Variants in FAM234B observed in about 807,000 individuals in gnomAD.
The protein encoded by FAM234B is protein FAM234B.
In FAM234B, 33 loss-of-function variants were observed where a neutral mutation model predicts 69.3. The ratio of observed to expected loss-of-function variants is 0.48; its 90% CI spans 0.36 to 0.64. FAM234B has a LOEUF of 0.64. Ranked by LOEUF, FAM234B falls within the 30% of genes least tolerant of loss-of-function variation. The pLI, the probability that FAM234B is intolerant of heterozygous loss-of-function variation, is 0.00. For missense variants in FAM234B, 697 were observed against 769.7 expected (o/e 0.91, Z 1.12); for synonymous variants, 306 against 306.9 (o/e 1.00, Z 0.03).
chr12:13,074,506 G>C (rs1462484928), intron 10 of FAM234B, among the ~76,000 whole-genome samples: 2 of 152,182 alleles, frequency 1.3e-5, no homozygotes, highest in Non-Finnish European at 2.9e-5. Context: ...AGGCAAATAA[G>C]ATTGGCAACG....
Position 13,081,901 on chromosome 12 carries a change from G to A in FAM234B, c.*1271G>A, listed in dbSNP as rs923777821. Reference sequence around the variant, plus strand: ...AACTGCTTCTTGAATAACCTTGATAGGTCATCCCTGAGTGCACCTCAGGTT... The same window carrying A: ...AACTGCTTCTTGAATAACCTTGATAAGTCATCCCTGAGTGCACCTCAGGTT... On this transcript the variant is annotated 3_prime_UTR_variant, in exon 13 of 13. Coordinates refer to ENST00000197268, the MANE Select transcript of FAM234B (RefSeq NM_020853.2). 1 of 148,996 alleles carries A rather than the reference G, an allele frequency of 6.7e-6. No homozygotes were observed. The highest frequency in any genetic ancestry group is 2.0e-4 in the East Asian group (1 of 4,998). 9.2% of individuals were successfully genotyped at this position (148,996 alleles called of 1,614,324 possible).
Position 13,044,946 on chromosome 12 carries a change from A to G in FAM234B, c.37+506A>G, listed in dbSNP as rs1033584032. Among the ~76,000 whole-genome samples the G allele has an allele frequency of 3.3e-5, 5 of 152,162 alleles. No individual in the cohort carries two copies. The highest frequency in any genetic ancestry group is 6.5e-5 in the Admixed American group (1 of 15,288). ...TTTACGTCCCTTCCTAGTTTACAGA[A>G]GAGAAAATGAGAGTTATTTGGCTAA... On this transcript the variant is annotated intron_variant, in intron 1 of 12. Transcript: ENST00000197268. The surrounding 1 kb of genome is among the most constrained non-coding windows in gnomAD (Gnocchi z 5.6).
chr12:13,063,187 T>G (rs1167708284), intron 5 of FAM234B, among the ~76,000 whole-genome samples: 1 of 152,302 alleles, frequency 6.6e-6, no homozygotes, highest in East Asian at 1.9e-4. Context: ...GACTGGGGTG[T>G]AGTGGAGCTT....
At chr12:13,073,000 C>G (rs1865123710) in intron 10 of FAM234B, among the ~76,000 whole-genome samples, 1 of 152,156 alleles carries the variant, frequency 6.6e-6, no homozygotes, top group Admixed American at 6.6e-5. Context: ...CATTGAAACT[C>G]ACAAAATTGC....
Position 13,078,321 on chromosome 12 carries a change from G to A in FAM234B, c.1643-1468G>A, listed in dbSNP as rs370576339. 4.6e-5 allele frequency among the ~76,000 whole-genome samples: 7 copies of A among 152,166 alleles called. No homozygotes were observed. The East Asian group carries it at 1.2e-3, about 25-fold the overall frequency. ...GTCTTTTGTTGCCATTGCTTTTGGT[G>A]TTTTAGACATGAAGTCCTTGCCCAT... On this transcript the variant is annotated intron_variant, in intron 11 of 12. Transcript: ENST00000197268.
intron 2 of FAM234B, 33 bp from the exon 3 acceptor site, chr12:13,058,418 C>G: frequency 6.3e-7 from 1 of 1,580,360 alleles, no homozygotes; most frequent in Non-Finnish European, 8.7e-7. Flanking sequence ...GTAACTTGCT[C>G]AGGACCTTTT....
rs758994987 is a variant in FAM234B, at chr12:13,067,337, G to A, written c.1142+41G>A. 2 of 1,610,010 alleles carry A rather than the reference G, an allele frequency of 1.2e-6. No homozygotes were observed. Among genetic ancestry groups the A allele is most frequent in the Admixed American group, 1.7e-5 (1 of 59,922 alleles). On this transcript the variant is annotated intron_variant, in intron 7 of 12. Coordinates refer to ENST00000197268, the MANE Select transcript of FAM234B (RefSeq NM_020853.2). This position sits in a 1 kb window ranked among gnomAD's most constrained non-coding sequence, Gnocchi z 4.7. The stretch of plus-strand genomic sequence containing the variant: ...GTCCTTGGTCACAGTGAGATCTCTT[G>A]TGAACTCACATGCCTTTGAGTCTCT...
intron 1 of FAM234B, among the ~76,000 whole-genome samples, chr12:13,052,763 C>T (rs1864888660): frequency 6.6e-6 from 1 of 152,148 alleles, no homozygotes; most frequent in Non-Finnish European, 1.5e-5. Context: ...TAGCAAGTGT[C>T]AGAAGTTCCT....
rs1036039803 is a variant in FAM234B, at chr12:13,066,735, T to G, written c.948T>G (p.Gly316=). The change falls in exon 6 of 13, where the codon GGT becomes GGG. Residue 316 remains glycine, a synonymous_variant. Coordinates refer to ENST00000197268, the MANE Select transcript of FAM234B (RefSeq NM_020853.2). The part of the protein sequence containing the change: ...YNIVGVGNLI[G]PQVYITTNGA... ...TCGTTGGAGTTGGGAATCTGATTGG[T>G]CCTCAGGTTTACATCACCACAAATG... 3 of 1,614,098 alleles carry G rather than the reference T, an allele frequency of 1.9e-6. No homozygotes were observed. Among genetic ancestry groups the G allele is most frequent in the Non-Finnish European group, 2.5e-6 (3 of 1,179,984 alleles).
chr12:13,050,669 A>T (rs79338711), intron 1 of FAM234B, among the ~76,000 whole-genome samples: 4,059 of 152,182 alleles, frequency 0.027, 102 homozygotes, highest in African/African-American at 0.056. Context: ...TAGTTGTGTG[A>T]TCTTAGTCAT....
chr12:13,075,218 T>A (rs1174173684), intron 10 of FAM234B, among the ~76,000 whole-genome samples: 1 of 152,194 alleles, frequency 6.6e-6, no homozygotes, highest in Non-Finnish European at 1.5e-5. Context: ...GATAAGATTT[T>A]TGTAATTTTT....
chr12:13,079,272 A>G (rs1020211094), intron 11 of FAM234B, among the ~76,000 whole-genome samples: 1 of 152,236 alleles, frequency 6.6e-6, no homozygotes, highest in Admixed American at 6.5e-5. Flanking sequence ...CAAACCTGAG[A>G]AAAACAAGCA....
rs1864919797 is a variant in FAM234B, at chr12:13,055,637, C to A, written c.124C>A (p.Gln42Lys). The change falls in exon 2 of 13, where the codon CAG (glutamine) becomes AAG (lysine). Residue 42 changes from glutamine (Q) to lysine (K), a missense_variant. Gln to Lys is a moderately conservative substitution (Grantham distance 53). Transcript: ENST00000197268. ...CGAAGACGATCTGGTGCTTAACCTG[C>A]AGAAGAATGGAGGGGTCAAAAATGG... is the stretch of plus-strand genomic sequence containing the variant. ...ESEDDLVLNL[Q>K]KNGGVKNGKS... 6.2e-7 allele frequency: 1 copy of A among 1,614,036 alleles called. No individual in the cohort carries two copies. Among genetic ancestry groups the A allele is most frequent in the African/African-American group, 1.3e-5 (1 of 74,904 alleles).
chr12:13,073,716 A>G (rs1190412748), intron 10 of FAM234B, among the ~76,000 whole-genome samples: 1 of 152,202 alleles, frequency 6.6e-6, no homozygotes, highest in Non-Finnish European at 1.5e-5. Context: ...AGTTCGCTCA[A>G]CTTTAATTTT....
Position 13,071,243 on chromosome 12 carries a change from G to T in FAM234B, c.1371G>T (p.Met457Ile). Residue 457 changes from methionine (M) to isoleucine (I), a missense_variant and splice_region_variant, in exon 10 of 13, where the codon ATG becomes ATT. Coordinates refer to ENST00000197268, the MANE Select transcript of FAM234B (RefSeq NM_020853.2). ...ACTGTCTGTCTTCTCTTTTGTAGATGATGGTTGTGGATGGTGACTCTGGCT... is the reference window on the plus strand; with the variant it reads ...ACTGTCTGTCTTCTCTTTTGTAGATTATGGTTGTGGATGGTGACTCTGGCT... ...QIQDGVGMKK[M>I]MVVDGDSGSI... is the part of the protein sequence containing the mutation. The T allele has an allele frequency of 6.2e-7, 1 of 1,614,114 alleles. No individual in the cohort carries two copies.
chr12:13,058,580 C>T, intron 3 of FAM234B, 31 bp downstream of exon 3: 1 of 1,560,074 alleles, frequency 6.4e-7, no homozygotes, highest in Admixed American at 1.7e-5. Context: ...AAGGCTGCTA[C>T]AGGGGCACTG....
chr12:13,073,284 C>T (rs1444563625), intron 10 of FAM234B, among the ~76,000 whole-genome samples: 4 of 152,000 alleles, frequency 2.6e-5, no homozygotes, highest in South Asian at 2.1e-4. Flanking sequence ...CATGAGCCAC[C>T]GCACCCAGCC....
chr12:13,072,203 C>T (rs1368223311), intron 10 of FAM234B, among the ~76,000 whole-genome samples: 1 of 152,198 alleles, frequency 6.6e-6, no homozygotes, highest in Non-Finnish European at 1.5e-5. Flanking sequence ...CAGGCTCAGT[C>T]AACAAGTCGC....
intron 1 of FAM234B, among the ~76,000 whole-genome samples, chr12:13,050,186 G>A (rs1591595247): frequency 6.6e-6 from 1 of 152,140 alleles, no homozygotes. Flanking sequence ...GTGAAAGTGG[G>A]TCTGAGCCCT....
Sources: gnomAD v4.1 joint callset for allele counts (sites outside exome capture counted in the v4.1 genomes callset) on GRCh38, gnomAD v4.1.1 for gene constraint, Gnocchi (gnomAD v3.1) non-coding constraint, MANE v1.5 for transcripts, NCBI Gene and HGNC (gene_info 2026-07-23, HGNC 2026-07-21) for gene names.